The following RBFOX1 variants were observed in gnomAD, a reference collection of about 807,000 sequenced individuals.
RBFOX1 encodes RNA binding protein fox-1 homolog 1.
Under a neutral mutation model 57.7 loss-of-function variants are expected in RBFOX1, and 8 were observed. The ratio of observed to expected loss-of-function variants is 0.14; its 90% confidence interval spans 0.08 to 0.25. The LOEUF is 0.25. Among genes scored for constraint, RBFOX1 ranks in the 10% least tolerant of loss-of-function variants. The pLI is 1.00. For missense variants in RBFOX1, 611 were observed against 548.5 expected, an observed-to-expected ratio of 1.11 and a Z score of -1.14; for synonymous variants, 326 against 222.4, an observed-to-expected ratio of 1.47 and a Z score of -4.15.
At chr16:5,469,098 C>T (rs1041646280) in intron 2 of RBFOX1, among the ~76,000 whole-genome samples, 8 of 152,276 alleles carry the variant, frequency 5.3e-5, no homozygotes, top group East Asian at 1.9e-4. Context: ...GGTACTAGAG[C>T]GGGCAAGCTC....
chr16:5,525,294 T>C (rs1363942370), intron 2 of RBFOX1, among the ~76,000 whole-genome samples: 2 of 152,054 alleles, frequency 1.3e-5, no homozygotes, highest in Non-Finnish European at 2.9e-5. Flanking sequence ...GCCTGACATT[T>C]ATTTAGTGCT....
At chr16:5,692,217 G>T (rs190064499) in intron 3 of RBFOX1, among the ~76,000 whole-genome samples, 1 of 147,526 alleles carries the variant, frequency 6.8e-6, no homozygotes, top group Non-Finnish European at 1.5e-5. Flanking sequence ...GTGTGTGTTT[G>T]TGTTTCACTG....
intron 4 of RBFOX1, among the ~76,000 whole-genome samples, chr16:5,982,807 A>G (rs2060199944): frequency 6.6e-6 from 1 of 152,204 alleles, no homozygotes; most frequent in Admixed American, 6.5e-5. Context: ...CTCTACTAGA[A>G]CGTAAATACC....
Position 7,709,856 on chromosome 16 carries a change from C to T in RBFOX1, c.1071+725C>T, listed in dbSNP as rs756403486. 15 of 1,193,020 alleles carry T rather than the reference C, an allele frequency of 1.3e-5. No homozygotes were observed. The Admixed American group carries it at 4.4e-4, about 35-fold the overall frequency. The allele number at this position is 1,193,020 out of a possible 1,614,324, so 73.9% of individuals were successfully genotyped here. A position where few individuals can be genotyped will look rare whatever the true frequency, so the allele number is the denominator to read the frequency against. Reference sequence around the variant, plus strand: ...ACTCTTGAGTACAGTAAGACGTGCCCATCACGTGAGAGCATATGCAATCAT... The same window carrying T: ...ACTCTTGAGTACAGTAAGACGTGCCTATCACGTGAGAGCATATGCAATCAT... On this transcript the variant is annotated intron_variant, in intron 15 of 15. Coordinates refer to ENST00000550418, the MANE Select transcript of RBFOX1 (RefSeq NM_018723.4).
chr16:7,541,057 G>A (rs947762597), intron 5 of RBFOX1, among the ~76,000 whole-genome samples: 1 of 152,138 alleles, frequency 6.6e-6, no homozygotes, highest in Admixed American at 6.6e-5. Context: ...CCTTTTAGAA[G>A]CACCCCTAAC....
rs528144261 is a variant in RBFOX1 at position 6,698,338 on chromosome 16, T to C, written c.-16+43688T>C. The stretch of plus-strand genomic sequence containing the variant: ...TAAGATATATGAGGATGTGGGAAAG[T>C]CTGCATTGATCTTCAAGTGCAAATT... On this transcript the variant is annotated intron_variant, in intron 3 of 15. Transcript: ENST00000550418. Among the ~76,000 whole-genome samples the C allele has an allele frequency of 6.8e-4, 103 of 152,292 alleles. 1 individual carries two copies. The South Asian group carries it at 0.02, about 30-fold the overall frequency.
chr16:6,041,716 G>C (rs565922191), intron 1 of RBFOX1, among the ~76,000 whole-genome samples: 2 of 152,054 alleles, frequency 1.3e-5, no homozygotes, highest in Non-Finnish European at 1.5e-5. Context: ...TAGATTCAGG[G>C]GACAAGGTCT....
At chr16:6,033,023 G>C (rs1011566692) in intron 1 of RBFOX1, among the ~76,000 whole-genome samples, 1 of 152,066 alleles carries the variant, frequency 6.6e-6, no homozygotes, top group African/African-American at 2.4e-5. Flanking sequence ...TGCAAAGGAA[G>C]GTAGTGTAGG....
chr16:6,785,928 C>G (rs555679018), intron 3 of RBFOX1, among the ~76,000 whole-genome samples: 1 of 152,194 alleles, frequency 6.6e-6, no homozygotes, highest in African/African-American at 2.4e-5. Context: ...GACTGAGGAA[C>G]CTTGTGTACA....
At chr16:7,696,281 C>G (rs1038758806) in intron 14 of RBFOX1, among the ~76,000 whole-genome samples, 1 of 152,146 alleles carries the variant, frequency 6.6e-6, no homozygotes, top group Non-Finnish European at 1.5e-5. Context: ...GCTTTTATAA[C>G]AGGGCAGGAC....
chr16:6,428,887 A>G (rs1157229714), intron 2 of RBFOX1, among the ~76,000 whole-genome samples: 1 of 152,224 alleles, frequency 6.6e-6, no homozygotes, highest in African/African-American at 2.4e-5. Flanking sequence ...GAGATTTATT[A>G]GCTTTATCAA....
chr16:6,621,898 A>AT (rs2098238330), intron 2 of RBFOX1, among the ~76,000 whole-genome samples: 1 of 152,160 alleles, frequency 6.6e-6, no homozygotes, highest in African/African-American at 2.4e-5. Context: ...GGATGACATG[A>AT]TTTAAAAAAA....
intron 1 of RBFOX1, among the ~76,000 whole-genome samples, chr16:6,268,254 T>C (rs543201058): frequency 6.6e-6 from 1 of 152,308 alleles, no homozygotes; most frequent in Admixed American, 6.5e-5. Flanking sequence ...TTTACATCTC[T>C]TTATGGGGAA....
intron 2 of RBFOX1, among the ~76,000 whole-genome samples, chr16:6,477,814 G>T (rs59582567): frequency 1.1e-4 from 17 of 152,014 alleles, no homozygotes; most frequent in African/African-American, 3.9e-4. Flanking sequence ...AGCCACCTTC[G>T]TCAGTGATCT....
At chr16:6,148,859 A>G (rs1266374031) in intron 1 of RBFOX1, among the ~76,000 whole-genome samples, 2 of 152,206 alleles carry the variant, frequency 1.3e-5, no homozygotes, top group African/African-American at 4.8e-5. Context: ...TTAGAATTCA[A>G]TAATGCAATC....
chr16:5,486,339 C>G (rs1224977808), intron 2 of RBFOX1, among the ~76,000 whole-genome samples: 1 of 152,178 alleles, frequency 6.6e-6, no homozygotes, highest in Admixed American at 6.5e-5. Context: ...TGTTCTCCAT[C>G]TGAAGTTCAG....
chr16:6,934,827 G>A (rs1475191466), intron 3 of RBFOX1, among the ~76,000 whole-genome samples: 1 of 152,030 alleles, frequency 6.6e-6, no homozygotes, highest in East Asian at 1.9e-4. Flanking sequence ...GGCTCCTGCA[G>A]GTAATCCCAG....
At chr16:7,316,788 T>C (rs1016421094) in intron 4 of RBFOX1, among the ~76,000 whole-genome samples, 4 of 151,930 alleles carry the variant, frequency 2.6e-5, no homozygotes, top group African/African-American at 7.2e-5. Context: ...CACTAAGGCA[T>C]AGAGTGTGTG....
At chr16:7,003,672 A>T (rs1403238294) in intron 3 of RBFOX1, among the ~76,000 whole-genome samples, 1 of 152,178 alleles carries the variant, frequency 6.6e-6, no homozygotes, top group African/African-American at 2.4e-5. Flanking sequence ...CATCAAAGGA[A>T]CATAGGAAAG....
Sources: gnomAD v4.1 joint callset for allele counts (sites outside exome capture counted in the v4.1 genomes callset) on GRCh38, gnomAD v4.1.1 for gene constraint, MANE v1.5 for transcripts, NCBI Gene and HGNC (gene_info 2026-07-23, HGNC 2026-07-21) for gene names.